Variants in TAFA2 observed in about 807,000 individuals in gnomAD.
TAFA2 encodes chemokine-like protein TAFA-2.
TAFA2 carries 7 observed loss-of-function variants against 18.8 expected under a neutral mutation model. The ratio of observed to expected loss-of-function variants is 0.37; its 90% CI spans 0.21 to 0.70. The LOEUF (loss-of-function observed/expected upper bound fraction) is 0.70. TAFA2 is among the 30% of genes least tolerant of loss of function. The probability of loss-of-function intolerance (pLI) is 0.53; values close to 1 mark genes in which losing one functional copy is unlikely to be tolerated. For synonymous variants in TAFA2, 60 were observed against 54.2 expected (o/e 1.11, Z -0.47); for missense variants, 122 against 158.1 (o/e 0.77, Z 1.23).
At chr12:62,235,646 G>C (rs2062833614) in intron 1 of TAFA2, 1 of 214,604 alleles carries the variant, frequency 4.7e-6, no homozygotes, top group South Asian at 1.7e-4. Flanking sequence ...CTTTGTTACT[G>C]TCTTCCTCAG....
intron 4 of TAFA2, among the ~76,000 whole-genome samples, chr12:61,728,476 A>G (rs1870279717): frequency 6.6e-6 from 1 of 151,600 alleles, no homozygotes; most frequent in Non-Finnish European, 1.5e-5. Context: ...TCACTATATA[A>G]TGTCCTTCTT....
intron 1 of TAFA2, among the ~76,000 whole-genome samples, chr12:61,897,508 G>A (rs1875902706): frequency 6.6e-6 from 1 of 152,144 alleles, no homozygotes; most frequent in Non-Finnish European, 1.5e-5. Flanking sequence ...TAGCAGAAGG[G>A]GAAGCAGGCA....
At chr12:62,234,748 TG>T in intron 1 of TAFA2, 1 of 1,101,974 alleles carries the variant, frequency 9.1e-7, no homozygotes, top group Non-Finnish European at 1.4e-6. Context: ...TCCTGAGGCC[TG>T]GAGTTCTGCT....
intron 1 of TAFA2, among the ~76,000 whole-genome samples, chr12:62,228,467 T>TGGAACAAA (rs2062797614): frequency 6.6e-6 from 1 of 152,228 alleles, no homozygotes; most frequent in Non-Finnish European, 1.5e-5. Flanking sequence ...TCCAAACTGC[T>TGGAACAAA]TTCCACAGAG....
intron 2 of TAFA2, among the ~76,000 whole-genome samples, chr12:61,765,368 A>C (rs917297487): frequency 1.3e-5 from 2 of 152,086 alleles, no homozygotes; most frequent in Non-Finnish European, 2.9e-5. Flanking sequence ...AAATACATTT[A>C]GGCTATGTTA....
intron 2 of TAFA2, among the ~76,000 whole-genome samples, chr12:61,762,556 C>T (rs1257060095): frequency 1.3e-5 from 2 of 151,268 alleles, no homozygotes; most frequent in Non-Finnish European, 2.9e-5. Flanking sequence ...CAAAGTAATG[C>T]AATATGCATA....
At chr12:61,826,092 T>C in intron 2 of TAFA2, among the ~76,000 whole-genome samples, 1 of 152,086 alleles carries the variant, frequency 6.6e-6, no homozygotes, top group Non-Finnish European at 1.5e-5. Context: ...ATAACACCTA[T>C]GTTTTCAGTT....
At chr12:61,963,631 A>G (rs1878965492) in intron 1 of TAFA2, among the ~76,000 whole-genome samples, 1 of 151,870 alleles carries the variant, frequency 6.6e-6, no homozygotes, top group Non-Finnish European at 1.5e-5. Flanking sequence ...ATTTTCTCCC[A>G]TTCTGTAGAT....
intron 1 of TAFA2, among the ~76,000 whole-genome samples, chr12:62,080,951 T>C (rs1403844834): frequency 1.3e-5 from 2 of 152,138 alleles, no homozygotes; most frequent in Non-Finnish European, 2.9e-5. Flanking sequence ...CCCCAGCACT[T>C]TGGGAGGCCA....
intron 1 of TAFA2, among the ~76,000 whole-genome samples, chr12:62,228,380 ATTTT>A (rs1469016716): frequency 6.6e-6 from 1 of 152,090 alleles, no homozygotes; most frequent in Non-Finnish European, 1.5e-5. Context: ...AGAATGACTT[ATTTT>A]CCTGTGGGTA....
rs1875719949 is a variant in TAFA2 at position 61,893,519 on chromosome 12, G to T, written c.-1-26093C>A. On this transcript the variant is annotated intron_variant, in intron 1 of 4. Coordinates refer to ENST00000416284, the MANE Select transcript of TAFA2 (RefSeq NM_178539.5). ...AGGGTGAAGTGGAAGATTCAGGAGT[G>T]AGAGGGGAGAATGGCAGGACGAAAG... Among the ~76,000 whole-genome samples the T allele has an allele frequency of 2.0e-5, 3 of 152,156 alleles. No homozygotes were observed. In the South Asian group the frequency reaches 6.2e-4, roughly 32 times the overall value.
At position 61,794,916 on chromosome 12, in the gene TAFA2, G is replaced by A. The variant is rs917362537; in HGVS notation, c.107-39892C>T. ...CAAACAACCCCAATAAAAAGTGGGC[G>A]AAGGATATGAACAGACACTTCTCAA... On this transcript the variant is annotated intron_variant, in intron 2 of 4. Coordinates refer to ENST00000416284, the MANE Select transcript of TAFA2 (RefSeq NM_178539.5). Among the ~76,000 whole-genome samples, 55 of 152,102 alleles carry A rather than the reference G, an allele frequency of 3.6e-4. 4 individuals are homozygous for A. Among genetic ancestry groups the A allele is most frequent in the Admixed American group, 1.6e-3 (24 of 15,266 alleles).
At chr12:61,908,887 G>T (rs1333806359) in intron 1 of TAFA2, among the ~76,000 whole-genome samples, 2 of 152,102 alleles carry the variant, frequency 1.3e-5, no homozygotes, top group African/African-American at 4.8e-5. Flanking sequence ...TGTATTCTCA[G>T]CAAAACTAAA....
chr12:61,880,479 T>C (rs1389598369), intron 1 of TAFA2: 1 of 535,718 alleles, frequency 1.9e-6, no homozygotes, highest in East Asian at 5.3e-5. Context: ...GCCCTGGACA[T>C]CAAGACTGCC....
intron 1 of TAFA2, among the ~76,000 whole-genome samples, chr12:62,044,625 T>C (rs1881861110): frequency 6.6e-6 from 1 of 152,164 alleles, no homozygotes; most frequent in African/African-American, 2.4e-5. Context: ...CCAGCTCCAC[T>C]GTTTGCTTCC....
chr12:61,720,951 T>A (rs752438788), intron 4 of TAFA2: 18 of 517,298 alleles, frequency 3.5e-5, no homozygotes, highest in Non-Finnish European at 6.6e-5. Flanking sequence ...TGTCAGGCAC[T>A]CCACTGTTTA....
At chr12:61,778,689 A>C (rs1433112539) in intron 2 of TAFA2, among the ~76,000 whole-genome samples, 1 of 151,930 alleles carries the variant, frequency 6.6e-6, no homozygotes, top group East Asian at 1.9e-4. Context: ...CTATGAAGTT[A>C]TGTCGACCTG....
chr12:61,840,058 A>G (rs900081925), intron 2 of TAFA2, among the ~76,000 whole-genome samples: 2 of 151,968 alleles, frequency 1.3e-5, no homozygotes, highest in Non-Finnish European at 2.9e-5. Context: ...GGATGTCTGG[A>G]GCAGAGAGCC....
chr12:61,799,769 C>T (rs1436230744), intron 2 of TAFA2, among the ~76,000 whole-genome samples: 2 of 152,082 alleles, frequency 1.3e-5, no homozygotes, highest in Non-Finnish European at 2.9e-5. Flanking sequence ...TTGCAGTGAG[C>T]CGAGATTGCG....
Sources: allele counts gnomAD v4.1 joint callset (sites outside exome capture counted in the v4.1 genomes callset), GRCh38; gene constraint gnomAD v4.1.1; transcripts MANE v1.5; gene names NCBI Gene and HGNC (gene_info 2026-07-23, HGNC 2026-07-21).